Variants in ULBP2 observed in about 807,000 individuals in gnomAD.
ULBP2 encodes UL16 binding protein 2, also known as UL16-binding protein 2.
In ULBP2, 21 loss-of-function variants were observed where a neutral mutation model predicts 23.6. The ratio of observed to expected loss-of-function variants is 0.89; its 90% CI spans 0.63 to 1.28. ULBP2 has a LOEUF of 1.28. Ranked by LOEUF, ULBP2 falls within the 50% of genes most tolerant of loss-of-function variation. The pLI, the probability that ULBP2 is intolerant of heterozygous loss-of-function variation, is 0.00. For synonymous variants in ULBP2, 82 were observed against 112.8 expected, an observed-to-expected ratio of 0.73 and a Z score of 1.73; for missense variants, 251 against 306.0, an observed-to-expected ratio of 0.82 and a Z score of 1.34.
chr6:149,947,990 G>A lies in ULBP2; in HGVS notation c.*22+539G>A, dbSNP rs1339951546. On this transcript the variant is annotated intron_variant, in intron 4 of 4. Transcript: ENST00000367351. Reference sequence around the variant, plus strand: ...GCAGGGCTGCCTTCCCACAGAAAGTGGCTTGGGTTCCAGGAATTAAGGTGG... The same window carrying A: ...GCAGGGCTGCCTTCCCACAGAAAGTAGCTTGGGTTCCAGGAATTAAGGTGG... Among the ~76,000 whole-genome samples, 4 of 152,376 alleles carry A rather than the reference G, an allele frequency of 2.6e-5. No individual in the cohort carries two copies. The East Asian group carries it at 5.8e-4, about 22-fold the overall frequency.
intron 1 of ULBP2, among the ~76,000 whole-genome samples, chr6:149,943,947 CT>C (rs1778900316): frequency 6.6e-6 from 1 of 151,914 alleles, no homozygotes; most frequent in Admixed American, 6.5e-5. Context: ...TCTATGGCTG[CT>C]TTTGAACTTC....
chr6:149,948,754 C>A lies in ULBP2; in HGVS notation c.*54C>A, dbSNP rs528709775. On this transcript the variant is annotated 3_prime_UTR_variant, in exon 5 of 5. Coordinates refer to ENST00000367351, the MANE Select transcript of ULBP2 (RefSeq NM_025217.4). ...GCTGATACCAAAAGGCTCCTGTGAG[C>A]ACGGTCTTGATCAAACTCGCCCTTC... 2.2e-6 allele frequency: 1 copy of A among 456,632 alleles called. No homozygotes were observed. The highest frequency in any genetic ancestry group is 2.0e-5 in the African/African-American group (1 of 50,078). The allele number at this position is 456,632 out of a possible 1,614,324, so 28.3% of individuals were successfully genotyped here.
At position 149,948,744 on chromosome 6, in the gene ULBP2, C is replaced by A; in HGVS notation, c.*44C>A. 1 of 456,702 alleles carries A rather than the reference C, an allele frequency of 2.2e-6. No individual in the cohort carries two copies. Among genetic ancestry groups the A allele is most frequent in the South Asian group, 1.5e-5 (1 of 64,568 alleles). The allele number at this position is 456,702 out of a possible 1,614,324, so 28.3% of individuals were successfully genotyped here. A position where few individuals can be genotyped will look rare whatever the true frequency, so the allele number is the denominator to read the frequency against. On this transcript the variant is annotated 3_prime_UTR_variant, in exon 5 of 5. Transcript: ENST00000367351. ...GAAGGTTAAAGCTGATACCAAAAGG[C>A]TCCTGTGAGCACGGTCTTGATCAAA...
intron 2 of ULBP2, among the ~76,000 whole-genome samples, 174 bp downstream of exon 2, chr6:149,945,746 G>A (rs1192264902): frequency 2.0e-5 from 3 of 148,078 alleles, no homozygotes; most frequent in Non-Finnish European, 4.4e-5. Flanking sequence ...TTCGAGACCA[G>A]CCTGACCAAC....
chr6:149,946,494 TG>T lies in ULBP2; in HGVS notation c.474del (p.Trp158Ter). ...CCTCTTTGACTCAGAGAAGAGAATG[TG>T]GACAACGGTTCATCCTGGAGCCAGA... is the stretch of plus-strand genomic sequence containing the variant. ...FLLFDSEKRM[W>X]TTVHPGARKM... On this transcript the variant is annotated frameshift_variant, in exon 3 of 5. Transcript: ENST00000367351. LOFTEE classifies it high-confidence loss of function. 1 of 1,614,132 alleles carries T rather than the reference TG, an allele frequency of 6.2e-7. No individual in the cohort carries two copies. Among genetic ancestry groups the T allele is most frequent in the African/African-American group, 1.3e-5 (1 of 75,002 alleles).
At chr6:149,947,859 A>T (rs975229480) in intron 4 of ULBP2, among the ~76,000 whole-genome samples, 1 of 151,990 alleles carries the variant, frequency 6.6e-6, no homozygotes, top group Non-Finnish European at 1.5e-5. Flanking sequence ...ATGAGGTGTG[A>T]CAGGGGAAGG....
At chr6:149,943,062 A>G (rs568939999) in intron 1 of ULBP2, among the ~76,000 whole-genome samples, 199 of 152,270 alleles carry the variant, frequency 1.3e-3, no homozygotes, top group African/African-American at 4.7e-3. Flanking sequence ...TCTTTCTAGA[A>G]AGGGAGGAAG....
At chr6:149,948,307 G>C (rs1264362488) in intron 4 of ULBP2, among the ~76,000 whole-genome samples, 6 of 152,194 alleles carry the variant, frequency 3.9e-5, no homozygotes. Flanking sequence ...GTGAGGAGAG[G>C]CTCAAGAAGA....
In ULBP2 at chr6:149,945,680, C is replaced by A. The variant is rs141976380; in HGVS notation, c.349+108C>A. 8 of 1,590,944 alleles carry A rather than the reference C, an allele frequency of 5.0e-6. No individual in the cohort carries two copies. The Admixed American group carries it at 1.0e-4, about 20-fold the overall frequency. On this transcript the variant is annotated intron_variant, in intron 2 of 4. Transcript: ENST00000367351. ...AAAGGGTCCTGGGCACGGTGGCTCA[C>A]GCCTGTAGTCCCAGCACTTTGTGAG...
intron 1 of ULBP2, among the ~76,000 whole-genome samples, chr6:149,942,684 C>T (rs113029965): frequency 0.014 from 2,111 of 152,254 alleles, 43 homozygotes; most frequent in African/African-American, 0.048. Flanking sequence ...CCCAGGGGCT[C>T]AGCAGACAAC....
At chr6:149,948,398 C>T (rs1225426027) in intron 4 of ULBP2, among the ~76,000 whole-genome samples, 1 of 152,136 alleles carries the variant, frequency 6.6e-6, no homozygotes, top group Non-Finnish European at 1.5e-5. Flanking sequence ...TGGAAGTCTG[C>T]CCCACCCCTT....
At position 149,948,901 on chromosome 6, in the gene ULBP2, C is replaced by T. The variant is rs965536862; in HGVS notation, c.*201C>T. On this transcript the variant is annotated 3_prime_UTR_variant, in exon 5 of 5. Transcript: ENST00000367351. ...TTCCTTTTGCCAACAATTTTACCAG[C>T]AGTTATACCTAACATATTATGCAAT... 5 of 376,008 alleles carry T rather than the reference C, an allele frequency of 1.3e-5. No homozygotes were observed. In the East Asian group the frequency reaches 2.3e-4, roughly 18 times the overall value. The allele number at this position is 376,008 out of a possible 1,614,324, so 23.3% of individuals were successfully genotyped here. A position where few individuals can be genotyped will look rare whatever the true frequency, so the allele number is the denominator to read the frequency against.
At chr6:149,945,851 G>A (rs968065361) in intron 2 of ULBP2, among the ~76,000 whole-genome samples, 3 of 151,040 alleles carry the variant, frequency 2.0e-5, no homozygotes, top group African/African-American at 7.4e-5. Flanking sequence ...TGAGGCAGGA[G>A]GATCCCTTGA....
intron 1 of ULBP2, among the ~76,000 whole-genome samples, chr6:149,943,011 G>A (rs28431039): frequency 0.12 from 18,410 of 149,810 alleles, 2,018 homozygotes; most frequent in East Asian, 0.36. Flanking sequence ...GGGTGTCAGC[G>A]TCATAGAGAA....
chr6:149,945,439 A>G lies in ULBP2; in HGVS notation c.216A>G (p.Thr72=), dbSNP rs748329453. 10 of 1,613,832 alleles carry G rather than the reference A, an allele frequency of 6.2e-6. No individual in the cohort carries two copies. The highest frequency in any genetic ancestry group is 1.7e-5 in the Admixed American group (1 of 59,998). ...ATGACTGTGGCAACAAGACAGTCAC[A>G]CCTGTCAGTCCCCTGGGGAAGAAAC... ...LHYDCGNKTV[T]PVSPLGKKLN... is the part of the protein sequence containing the mutation. Residue 72 remains threonine (T), a synonymous_variant, in exon 2 of 5, where the codon ACA becomes ACG. Coordinates refer to ENST00000367351, the MANE Select transcript of ULBP2 (RefSeq NM_025217.4).
Position 149,947,333 on chromosome 6 carries a change from G to C in ULBP2, c.645G>C (p.Met215Ile), listed in dbSNP as rs772437389. ...TTTCCATTTCAGCACCACTCGCCATGTCCTCAGGCACAACCCAACTCAGGG... is the reference window on the plus strand; with the variant it reads ...TTTCCATTTCAGCACCACTCGCCATCTCCTCAGGCACAACCCAACTCAGGG... ...LEPSAGAPLA[M>I]SSGTTQLRAT... The change falls in exon 4 of 5, where the codon ATG (methionine) becomes ATC (isoleucine). Residue 215 changes from methionine to isoleucine, a missense_variant. Met to Ile is a conservative substitution (Grantham distance 10, BLOSUM62 1). This residue lies in a region of ULBP2 where 3 missense variants were observed against 47.0 expected (regional missense o/e 0.06). Coordinates refer to ENST00000367351, the MANE Select transcript of ULBP2 (RefSeq NM_025217.4). The C allele has an allele frequency of 6.5e-6, 10 of 1,540,306 alleles. No individual in the cohort carries two copies. Among genetic ancestry groups the C allele is most frequent in the Non-Finnish European group, 8.8e-6 (10 of 1,137,168 alleles).
At chr6:149,948,660 T>G (rs1186551853) in intron 4 of ULBP2, 63 bp from the exon 5 acceptor site, 1 of 456,552 alleles carries the variant, frequency 2.2e-6, no homozygotes, top group Non-Finnish European at 4.4e-6. Context: ...TAGGGAAAGA[T>G]TACCCTGGAA....
intron 4 of ULBP2, among the ~76,000 whole-genome samples, chr6:149,948,326 GA>G (rs1778974283): frequency 6.6e-6 from 1 of 152,214 alleles, no homozygotes; most frequent in Non-Finnish European, 1.5e-5. Flanking sequence ...GAAGGGGAAA[GA>G]AGGATGTTTG....
rs1244912101 is a variant in ULBP2 at position 149,949,082 on chromosome 6, C to T, written c.*382C>T. 1 of 182,308 alleles carries T rather than the reference C, an allele frequency of 5.5e-6. No individual in the cohort carries two copies. Among genetic ancestry groups the T allele is most frequent in the Non-Finnish European group, 1.2e-5 (1 of 86,480 alleles). The allele number at this position is 182,308 out of a possible 1,614,324, so 11.3% of individuals were successfully genotyped here. ...CAAATGATATTGTCAGTAAAATAAT[C>T]ACGTTAGACTTCAGACCTCTGGGGA... is the stretch of plus-strand genomic sequence containing the variant. On this transcript the variant is annotated 3_prime_UTR_variant, in exon 5 of 5. Transcript: ENST00000367351.
Sources: allele counts gnomAD v4.1 joint callset (sites outside exome capture counted in the v4.1 genomes callset), GRCh38; gene constraint gnomAD v4.1.1; regional missense constraint gnomAD v4.1.1; transcripts MANE v1.5; gene names NCBI Gene and HGNC (gene_info 2026-07-23, HGNC 2026-07-21).